The following LARGE1 variants were observed in gnomAD, a reference collection of about 807,000 sequenced individuals.
LARGE1 encodes the protein xylosyl- and glucuronyltransferase LARGE1.
A neutral mutation model predicts 87.6 loss-of-function variants in LARGE1; 43 were observed. The observed-to-expected ratio is 0.49, with a 90% confidence interval of 0.38 to 0.63. The LOEUF (loss-of-function observed/expected upper bound fraction) is 0.63. LARGE1 is among the 30% of genes least tolerant of loss of function. The pLI is 0.00. For synonymous variants in LARGE1, 434 were observed against 394.6 expected, an observed-to-expected ratio of 1.10 and a Z score of -1.18; for missense variants, 802 against 1,000.2, an observed-to-expected ratio of 0.80 and a Z score of 2.67.
intron 1 of LARGE1, among the ~76,000 whole-genome samples, chr22:33,880,635 T>G (rs189900353): frequency 2.7e-3 from 417 of 152,210 alleles, no homozygotes; most frequent in Middle Eastern, 6.8e-3. Context: ...CCCACACAAA[T>G]GATGTGTTCT....
At chr22:33,453,326 A>C (rs1233066721) in intron 6 of LARGE1, among the ~76,000 whole-genome samples, 64 of 152,078 alleles carry the variant, frequency 4.2e-4, no homozygotes, top group Admixed American at 4.2e-3. Flanking sequence ...GAGGCAGGAG[A>C]ATCGCTTGAA....
chr22:33,841,815 C>A (rs967851133), intron 1 of LARGE1, among the ~76,000 whole-genome samples: 4 of 152,218 alleles, frequency 2.6e-5, no homozygotes, highest in African/African-American at 9.7e-5. Flanking sequence ...AAGAGATCCT[C>A]AGCACAGGCT....
In LARGE1 at chr22:33,264,889, CTTTTT is replaced by C. The variant is rs200074908; in HGVS notation, c.1730+39335_1730+39339del. 1.2e-4 allele frequency among the ~76,000 whole-genome samples: 9 copies of C among 74,370 alleles called. No homozygotes were observed. In the East Asian group the frequency reaches 1.5e-3, roughly 12 times the overall value. 48.8% of individuals were successfully genotyped at this position (74,370 alleles called of 152,430 possible). A position where few individuals can be genotyped will look rare whatever the true frequency, so the allele number is the denominator to read the frequency against. The stretch of plus-strand genomic sequence containing the variant: ...CTCCCCTTTGACATCTGATCAAATT[CTTTTT>C]TTTTTTTTTTTTTTTTTTTGAGATG... On this transcript the variant is annotated intron_variant, in intron 11 of 11. Coordinates refer to the LARGE1 transcript ENST00000608642.
chr22:33,619,564 A>AAAAAAAAG (rs1324275166), intron 4 of LARGE1, among the ~76,000 whole-genome samples: 1 of 151,616 alleles, frequency 6.6e-6, no homozygotes, highest in African/African-American at 2.4e-5. Flanking sequence ...CAAAAAAAAA[A>AAAAAAAAG]AAAAAAAGAA....
chr22:33,489,003 C>T (rs565925776), intron 6 of LARGE1, among the ~76,000 whole-genome samples: 1 of 152,328 alleles, frequency 6.6e-6, no homozygotes, highest in African/African-American at 2.4e-5. Context: ...CCACCTCCTC[C>T]TCTCTGCTCA....
At chr22:33,740,620 A>G (rs543896438) in intron 2 of LARGE1, among the ~76,000 whole-genome samples, 6 of 152,322 alleles carry the variant, frequency 3.9e-5, no homozygotes, top group African/African-American at 1.2e-4. Flanking sequence ...TCGGTATGCA[A>G]TGATCTAAGA....
chr22:33,488,376 G>A (rs897066648), intron 6 of LARGE1, among the ~76,000 whole-genome samples: 7 of 152,176 alleles, frequency 4.6e-5, no homozygotes, highest in African/African-American at 9.7e-5. Context: ...CATGGGAGGA[G>A]AAATAAGAGA....
At chr22:33,290,876 T>C (rs1932414599) in intron 12 of LARGE1, among the ~76,000 whole-genome samples, 1 of 152,028 alleles carries the variant, frequency 6.6e-6, no homozygotes, top group African/African-American at 2.4e-5. Flanking sequence ...CTGTCTCTAC[T>C]AAAAATACAA....
intron 7 of LARGE1, among the ~76,000 whole-genome samples, chr22:33,394,319 C>G (rs1223400781): frequency 6.6e-6 from 1 of 151,984 alleles, no homozygotes; most frequent in East Asian, 1.9e-4. Flanking sequence ...CTGCCTCAGC[C>G]TCCTGAGTAG....
At chr22:33,910,016 A>G (rs1313193271) in intron 1 of LARGE1, among the ~76,000 whole-genome samples, 1 of 152,316 alleles carries the variant, frequency 6.6e-6, no homozygotes, top group Middle Eastern at 3.4e-3. Context: ...GAGTTTGAGA[A>G]GCTAAAGGAA....
At chr22:33,687,117 T>C (rs918416959) in intron 2 of LARGE1, among the ~76,000 whole-genome samples, 13 of 152,062 alleles carry the variant, frequency 8.5e-5, no homozygotes, top group Non-Finnish European at 1.9e-4. Context: ...CCTCAGATCT[T>C]TGCTTGGCTT....
the LARGE1 span, chr22:33,137,202 A>G: frequency 2.6e-5 from 4 of 152,338 alleles, no homozygotes; most frequent in African/African-American, 9.6e-5. Flanking sequence ...CAAGCCCATC[A>G]TCTTCACAGG....
At chr22:33,225,649 C>G (rs956627647) in intron 11 of LARGE1, among the ~76,000 whole-genome samples, 2 of 151,776 alleles carry the variant, frequency 1.3e-5, no homozygotes, top group Non-Finnish European at 2.9e-5. Flanking sequence ...GTTTGGTGTA[C>G]AGATCATTTT....
In LARGE1 at chr22:33,718,725, T is replaced by A. The variant is rs546994896; in HGVS notation, c.106+42646A>T. Among the ~76,000 whole-genome samples, 3 of 152,356 alleles carry A rather than the reference T, an allele frequency of 2.0e-5. No individual in the cohort carries two copies. In the East Asian group the frequency reaches 5.8e-4, roughly 29 times the overall value. ...AGGTGGAAGACAGTGATACTGATAA[T>A]CCTGAACCTGTGTGGGTCTCAGCTA... On this transcript the variant is annotated intron_variant, in intron 2 of 14. Transcript: ENST00000397394.
intron 7 of LARGE1, among the ~76,000 whole-genome samples, chr22:33,396,298 G>C (rs1025570323): frequency 9.2e-5 from 14 of 152,166 alleles, no homozygotes; most frequent in South Asian, 4.1e-4. Flanking sequence ...CAGAAAGTAA[G>C]TTTATTAAAA....
At chr22:33,903,609 G>A (rs750062031) in intron 1 of LARGE1, among the ~76,000 whole-genome samples, 2 of 152,084 alleles carry the variant, frequency 1.3e-5, no homozygotes, top group Non-Finnish European at 2.9e-5. Flanking sequence ...GGCGGATCAC[G>A]AGGTCAAGAG....
At chr22:33,144,694 C>T in the LARGE1 span, among the ~76,000 whole-genome samples, 1 of 152,060 alleles carries the variant, frequency 6.6e-6, no homozygotes, top group African/African-American at 2.4e-5. Context: ...AAAAGAGTAG[C>T]TGGCTAATTC....
chr22:33,439,332 TACC>T (rs1292318865), intron 6 of LARGE1, among the ~76,000 whole-genome samples: 3 of 152,178 alleles, frequency 2.0e-5, no homozygotes, highest in Non-Finnish European at 4.4e-5. Flanking sequence ...TAGGTTTTCC[TACC>T]CAAGTGCTGA....
At chr22:33,089,263 C>CTCTTCTTCTTCTTCTTGTTCA in the LARGE1 span, among the ~76,000 whole-genome samples, 7 of 150,802 alleles carry the variant, frequency 4.6e-5, no homozygotes, top group African/African-American at 1.7e-4. Flanking sequence ...TGTCTTCTTC[C>CTCTTCTTCTTCTTCTTGTTCA]TCTTCTTCTT....
Sources: allele counts gnomAD v4.1 joint callset (sites outside exome capture counted in the v4.1 genomes callset), GRCh38; gene constraint gnomAD v4.1.1; transcripts MANE v1.5; gene names NCBI Gene and HGNC (gene_info 2026-07-23, HGNC 2026-07-21).